The following KLRG1 variants were observed in gnomAD, a reference collection of about 807,000 sequenced individuals.
KLRG1 encodes the protein killer cell lectin like receptor G1.
A neutral mutation model predicts 21.8 loss-of-function variants in KLRG1; 16 were observed. The observed-to-expected ratio is 0.73, with a 90% CI of 0.50 to 1.11. The LOEUF is 1.11. Ranked by LOEUF, KLRG1 falls within the 50% of genes most tolerant of loss-of-function variation. KLRG1 has a pLI of 0.00. For synonymous variants in KLRG1, 69 were observed against 75.9 expected, an observed-to-expected ratio of 0.91 and a Z score of 0.47; for missense variants, 173 against 218.3, an observed-to-expected ratio of 0.79 and a Z score of 1.31.
the KLRG1 span, among the ~76,000 whole-genome samples, chr12:9,087,853 G>T: frequency 6.6e-6 from 1 of 151,732 alleles, no homozygotes. Context: ...TCTGACTCAG[G>T]AATTTAACAT....
chr12:9,199,018 T>A, the KLRG1 span, among the ~76,000 whole-genome samples: 2 of 152,164 alleles, frequency 1.3e-5, no homozygotes, highest in African/African-American at 4.8e-5. Flanking sequence ...GTAAGAGGTA[T>A]CTGTAATCAC....
At chr12:9,027,015 C>G in the KLRG1 span, among the ~76,000 whole-genome samples, 2 of 150,706 alleles carry the variant, frequency 1.3e-5, no homozygotes, top group Admixed American at 1.3e-4. Flanking sequence ...ATCACTGTGG[C>G]TGGCTTTTTT....
the KLRG1 span, among the ~76,000 whole-genome samples, chr12:9,082,050 C>G: frequency 6.6e-6 from 1 of 152,176 alleles, no homozygotes; most frequent in South Asian, 2.1e-4. Flanking sequence ...GTGACCCCAC[C>G]CAGGTAGCAG....
At chr12:9,191,146 A>G in the KLRG1 span, among the ~76,000 whole-genome samples, 1 of 152,074 alleles carries the variant, frequency 6.6e-6, no homozygotes, top group Non-Finnish European at 1.5e-5. Flanking sequence ...CTATATAGAG[A>G]TTTTCATACA....
the KLRG1 span, chr12:9,091,099 G>A: frequency 1.5e-6 from 2 of 1,348,756 alleles, no homozygotes; most frequent in Non-Finnish European, 2.0e-6. Context: ...TGAATATCTA[G>A]TAAGCATATT....
chr12:9,110,850 G>A, the KLRG1 span, among the ~76,000 whole-genome samples: 1 of 152,044 alleles, frequency 6.6e-6, no homozygotes, highest in African/African-American at 2.4e-5. Context: ...ATAATGTTAA[G>A]AACTTACTAG....
the KLRG1 span, among the ~76,000 whole-genome samples, chr12:9,039,271 T>C: frequency 1.3e-5 from 2 of 152,246 alleles, no homozygotes; most frequent in Non-Finnish European, 2.9e-5. Flanking sequence ...TTACTGAGAA[T>C]AGAAGAATGA....
At chr12:9,007,807 G>A (rs538421981) in intron 3 of KLRG1, among the ~76,000 whole-genome samples, 1 of 152,082 alleles carries the variant, frequency 6.6e-6, no homozygotes, top group Non-Finnish European at 1.5e-5. Context: ...TATTCCAAAG[G>A]TATTTAACCA....
the KLRG1 span, among the ~76,000 whole-genome samples, chr12:9,186,762 A>T: frequency 6.6e-6 from 1 of 151,486 alleles, no homozygotes; most frequent in Non-Finnish European, 1.5e-5. Context: ...CAGAAAACCA[A>T]ACACCACATG....
In KLRG1 at chr12:9,010,177, C is replaced by G; in HGVS notation, c.*640C>G. 1 of 494,080 alleles carries G rather than the reference C, an allele frequency of 2.0e-6. No homozygotes were observed. The highest frequency in any genetic ancestry group is 3.7e-5 in the Admixed American group (1 of 27,024). The allele number at this position is 494,080 out of a possible 1,614,324, so 30.6% of individuals were successfully genotyped here. ...CTCCAGCCTGGGAGATAGAGCAAGA[C>G]TCCATCTCTAAAAAAAAAAAAAAAT... On this transcript the variant is annotated 3_prime_UTR_variant, in exon 5 of 5. Coordinates refer to ENST00000356986, the MANE Select transcript of KLRG1 (RefSeq NM_005810.4).
chr12:9,114,803 C>T, the KLRG1 span, among the ~76,000 whole-genome samples: 1 of 151,820 alleles, frequency 6.6e-6, no homozygotes, highest in African/African-American at 2.4e-5. Context: ...TAGAATGTAA[C>T]CATAAATTTA....
rs192095721 is a variant in KLRG1 at position 8,981,404 on chromosome 12, T to A, written c.-155-10802T>A. The stretch of plus-strand genomic sequence containing the variant: ...TCCATTCATTTAAAACTACAGTATT[T>A]GCTGTAAGACTGTTTTAGCTGTGTT... On this transcript the variant is annotated intron_variant, in intron 1 of 4. Transcript: ENST00000539240. 3.6e-4 allele frequency among the ~76,000 whole-genome samples: 55 copies of A among 152,256 alleles called. 1 individual carries two copies. The highest frequency in any genetic ancestry group is 1.3e-3 in the African/African-American group (54 of 41,590).
At chr12:9,215,132 C>G in the KLRG1 span, among the ~76,000 whole-genome samples, 5 of 151,908 alleles carry the variant, frequency 3.3e-5, no homozygotes, top group African/African-American at 1.2e-4. Flanking sequence ...ATAAATTAAT[C>G]TCATTATGAA....
the KLRG1 span, chr12:9,079,107 TTGG>T: frequency 6.5e-6 from 4 of 620,058 alleles, no homozygotes; most frequent in Non-Finnish European, 1.1e-5. Flanking sequence ...CTTGCTAATC[TTGG>T]TGGATTTATC....
chr12:9,206,596 A>G, the KLRG1 span, among the ~76,000 whole-genome samples: 243 of 152,320 alleles, frequency 1.6e-3, no homozygotes, highest in Non-Finnish European at 2.5e-3. Context: ...TGAAACCTTC[A>G]TCTTTCTGAA....
the KLRG1 span, among the ~76,000 whole-genome samples, chr12:9,130,098 C>T: frequency 6.6e-6 from 1 of 152,082 alleles, no homozygotes; most frequent in African/African-American, 2.4e-5. Context: ...GCTTATTTTA[C>T]TTAGCAAAAT....
chr12:9,101,286 T>C, the KLRG1 span: 5 of 1,460,142 alleles, frequency 3.4e-6, no homozygotes, highest in South Asian at 1.2e-5. Flanking sequence ...ACTTGTTTTA[T>C]TGAGTCCCTG....
intron 3 of KLRG1, among the ~76,000 whole-genome samples, chr12:8,997,651 C>T (rs769853776): frequency 3.9e-4 from 59 of 152,284 alleles, no homozygotes; most frequent in East Asian, 5.8e-4. Context: ...TGCTGTTAAA[C>T]GGTCATCTTT....
At chr12:9,078,088 G>A in the KLRG1 span, among the ~76,000 whole-genome samples, 1 of 152,032 alleles carries the variant, frequency 6.6e-6, no homozygotes, top group Non-Finnish European at 1.5e-5. Context: ...TTTTATTTTA[G>A]TTCCGAGATA....
Sources: gnomAD v4.1 joint callset for allele counts (sites outside exome capture counted in the v4.1 genomes callset) on GRCh38, gnomAD v4.1.1 for gene constraint, MANE v1.5 for transcripts, NCBI Gene and HGNC (gene_info 2026-07-23, HGNC 2026-07-21) for gene names.